Variants in PCDHGA11 observed in about 807,000 individuals in gnomAD.
The protein encoded by PCDHGA11 is protocadherin gamma subfamily A, 11, also known as protocadherin gamma-A11.
Under a neutral mutation model 60.4 loss-of-function variants are expected in PCDHGA11, and 39 were observed. The observed-to-expected ratio is 0.65, with a 90% confidence interval of 0.50 to 0.84. The LOEUF is 0.84. Ranked by LOEUF, PCDHGA11 falls within the 40% of genes least tolerant of loss-of-function variation. The pLI is 0.00. For synonymous variants in PCDHGA11, 533 were observed against 510.3 expected, an observed-to-expected ratio of 1.04 and a Z score of -0.60; for missense variants, 1,165 against 1,197.7, an observed-to-expected ratio of 0.97 and a Z score of 0.40.
chr5:141,462,599 T>TGG (rs2099043404), intron 1 of PCDHGA11, among the ~76,000 whole-genome samples: 1 of 152,208 alleles, frequency 6.6e-6, no homozygotes, highest in African/African-American at 2.4e-5. Context: ...CCATTTCATA[T>TGG]ATTGTATTTT....
chr5:141,473,665 T>C (rs1054239218), intron 1 of PCDHGA11, among the ~76,000 whole-genome samples: 1 of 152,142 alleles, frequency 6.6e-6, no homozygotes, highest in Non-Finnish European at 1.5e-5. Context: ...GTGAAGGCCC[T>C]GAGACAGGGA....
At chr5:141,447,082 T>C (rs1259827606) in intron 1 of PCDHGA11, among the ~76,000 whole-genome samples, 3 of 152,156 alleles carry the variant, frequency 2.0e-5, no homozygotes, top group Non-Finnish European at 2.9e-5. Context: ...ATTTTTGTTG[T>C]TTAATTTTCT....
chr5:141,462,623 T>C (rs992165332), intron 1 of PCDHGA11, among the ~76,000 whole-genome samples: 3 of 150,992 alleles, frequency 2.0e-5, no homozygotes, highest in Non-Finnish European at 4.4e-5. Context: ...CTTTTAGAAG[T>C]TCCATTTGAC....
At chr5:141,482,862 A>G (rs1169526338) in intron 1 of PCDHGA11, among the ~76,000 whole-genome samples, 1 of 152,180 alleles carries the variant, frequency 6.6e-6, no homozygotes, top group Non-Finnish European at 1.5e-5. Context: ...ACTTGAGGTC[A>G]GGAGTTTGAA....
chr5:141,469,395 T>G lies in PCDHGA11; in HGVS notation c.2434-25412T>G, dbSNP rs1332746609. ...ATCGAGACCATCCTGGCCAACATGG[T>G]GAAACCCCGTTTCTACTAAAAATAT... On this transcript the variant is annotated intron_variant, in intron 1 of 3. Transcript: ENST00000398587. Among the ~76,000 whole-genome samples, 6 of 152,194 alleles carry G rather than the reference T, an allele frequency of 3.9e-5. No homozygotes were observed. The East Asian group carries it at 1.2e-3, about 29-fold the overall frequency.
rs147057088 is a variant in PCDHGA11 at position 141,432,065 on chromosome 5, A to C, written c.2433+8405A>C. 6.2e-7 allele frequency: 1 copy of C among 1,613,930 alleles called. No individual in the cohort carries two copies. Among genetic ancestry groups the C allele is most frequent in the Non-Finnish European group, 8.5e-7 (1 of 1,180,014 alleles). On this transcript the variant is annotated intron_variant, in intron 1 of 3. Coordinates refer to ENST00000398587, the MANE Select transcript of PCDHGA11 (RefSeq NM_018914.3). This position sits in a 1 kb window ranked among gnomAD's most constrained non-coding sequence, Gnocchi z 6.0. ...GGGAACCCCGCCCCTATCCACGGAA[A>C]CTCATATCTCGCTGAACGTGGCAGA...
In PCDHGA11 at chr5:141,433,051, G is replaced by A. The variant is rs754102028; in HGVS notation, c.2433+9391G>A. The A allele has an allele frequency of 1.8e-5, 29 of 1,614,066 alleles. No homozygotes were observed. In the East Asian group the frequency reaches 2.5e-4, roughly 14 times the overall value. On this transcript the variant is annotated intron_variant, in intron 1 of 3. Transcript: ENST00000398587. ...AGGTTTCCCTCACCACGGACTCGCG[G>A]AAGAGTCACCTGATCTTCCCCCAGC...
chr5:141,421,433 C>A lies in PCDHGA11; in HGVS notation c.206C>A (p.Ser69Tyr), dbSNP rs772564300. 5 of 1,614,074 alleles carry A rather than the reference C, an allele frequency of 3.1e-6. No homozygotes were observed. In the African/African-American group the frequency reaches 4.0e-5, roughly 13 times the overall value. Residue 69 changes from serine to tyrosine, a missense_variant, in exon 1 of 4, where the codon TCC (serine) becomes TAC (tyrosine). By Grantham distance (144) the Ser-to-Tyr change is moderately radical (BLOSUM62 -2). Coordinates refer to ENST00000398587, the MANE Select transcript of PCDHGA11 (RefSeq NM_018914.3). ...GCGAAGCGCGGAGTCCGCATCGTCTCCAGAGGGAAGACACAGCTTTTCGCT... is the reference window on the plus strand; with the variant it reads ...GCGAAGCGCGGAGTCCGCATCGTCTACAGAGGGAAGACACAGCTTTTCGCT... Reference protein sequence around the residue: ...ELAKRGVRIVSRGKTQLFAVN... With the variant: ...ELAKRGVRIVYRGKTQLFAVN...
rs943867570 is a variant in PCDHGA11 at position 141,493,651 on chromosome 5, T to C, written c.2434-1156T>C. On this transcript the variant is annotated intron_variant, in intron 1 of 3. Coordinates refer to ENST00000398587, the MANE Select transcript of PCDHGA11 (RefSeq NM_018914.3). The surrounding 1 kb of genome is among the most constrained non-coding windows in gnomAD (Gnocchi z 4.3). ...AGTGGCTGAGGGCTGGCCATCCCTGTGCCCTTCTCCATGGCAGCCCCAGAA... is the reference window on the plus strand; with the variant it reads ...AGTGGCTGAGGGCTGGCCATCCCTGCGCCCTTCTCCATGGCAGCCCCAGAA... Among the ~76,000 whole-genome samples, 1 of 152,204 alleles carries C rather than the reference T, an allele frequency of 6.6e-6. No individual in the cohort carries two copies. The highest frequency in any genetic ancestry group is 1.5e-5 in the Non-Finnish European group (1 of 68,030).
intron 1 of PCDHGA11, among the ~76,000 whole-genome samples, chr5:141,469,189 T>C (rs1393685141): frequency 2.6e-5 from 4 of 151,710 alleles, no homozygotes; most frequent in African/African-American, 9.7e-5. Flanking sequence ...GGCAAGAGGA[T>C]TGCTTGAGCC....
At chr5:141,445,420 T>C (rs968387442) in intron 1 of PCDHGA11, among the ~76,000 whole-genome samples, 3 of 152,204 alleles carry the variant, frequency 2.0e-5, no homozygotes, top group Admixed American at 6.5e-5. Context: ...GTCTGCTATA[T>C]GCAAGGCACT....
Position 141,477,983 on chromosome 5 carries a change from C to T in PCDHGA11, c.2434-16824C>T. 1 of 1,614,126 alleles carries T rather than the reference C, an allele frequency of 6.2e-7. No individual in the cohort carries two copies. Among genetic ancestry groups the T allele is most frequent in the Non-Finnish European group, 8.5e-7 (1 of 1,180,024 alleles). ...TAACCAGAGCCTTTTTGCCATAGGGCTGCACACTGGTCAAATCAGTACTGC... is the reference window on the plus strand; with the variant it reads ...TAACCAGAGCCTTTTTGCCATAGGGTTGCACACTGGTCAAATCAGTACTGC... On this transcript the variant is annotated intron_variant, in intron 1 of 3. Coordinates refer to ENST00000398587, the MANE Select transcript of PCDHGA11 (RefSeq NM_018914.3). The surrounding 1 kb of genome is among the most constrained non-coding windows in gnomAD (Gnocchi z 4.9).
Position 141,467,771 on chromosome 5 carries a change from A to G in PCDHGA11, c.2434-27036A>G, listed in dbSNP as rs542500016. Among the ~76,000 whole-genome samples, 11 of 151,422 alleles carry G rather than the reference A, an allele frequency of 7.3e-5. No individual in the cohort carries two copies. The South Asian group carries it at 2.3e-3, about 32-fold the overall frequency. On this transcript the variant is annotated intron_variant, in intron 1 of 3. Transcript: ENST00000398587. Reference sequence around the variant, plus strand: ...CCGCCTCACATGCTCAAGTGCCCGCACCTCAGCCTCTCAAGTAGCTGGGAC... The same window carrying G: ...CCGCCTCACATGCTCAAGTGCCCGCGCCTCAGCCTCTCAAGTAGCTGGGAC...
chr5:141,450,071 A>G (rs1039802551), intron 1 of PCDHGA11, among the ~76,000 whole-genome samples: 3 of 139,286 alleles, frequency 2.2e-5, no homozygotes, highest in Non-Finnish European at 3.0e-5. Flanking sequence ...CAGTGGTATG[A>G]TCTTGGCTCA....
chr5:141,451,358 T>C (rs537863729), intron 1 of PCDHGA11, among the ~76,000 whole-genome samples: 1 of 152,326 alleles, frequency 6.6e-6, no homozygotes, highest in African/African-American at 2.4e-5. Flanking sequence ...CAACAGAGGA[T>C]GGATCCGCTT....
Position 141,477,468 on chromosome 5 carries a change from A to G in PCDHGA11, c.2434-17339A>G. ...GTGCGTGTTCAAGTGTCCGACATCA[A>G]TGACAACCCTCCACAATCTTCTCAA... is the stretch of plus-strand genomic sequence containing the variant. On this transcript the variant is annotated intron_variant, in intron 1 of 3. Transcript: ENST00000398587. This position sits in a 1 kb window ranked among gnomAD's most constrained non-coding sequence, Gnocchi z 4.9. 6.2e-7 allele frequency: 1 copy of G among 1,614,158 alleles called. No homozygotes were observed. Among genetic ancestry groups the G allele is most frequent in the Non-Finnish European group, 8.5e-7 (1 of 1,180,022 alleles).
At position 141,487,915 on chromosome 5, in the gene PCDHGA11, G is replaced by T; in HGVS notation, c.2434-6892G>T. The T allele has an allele frequency of 1.5e-6, 1 of 655,128 alleles. No homozygotes were observed. Among genetic ancestry groups the T allele is most frequent in the Middle Eastern group, 3.5e-4 (1 of 2,862 alleles). The allele number at this position is 655,128 out of a possible 1,614,324, so 40.6% of individuals were successfully genotyped here. ...GATGATGGAATGTGGGAGCACAGGA[G>T]GCTACAGTGCACAGGGTACAGTGCA... On this transcript the variant is annotated intron_variant, in intron 1 of 3. Coordinates refer to ENST00000398587, the MANE Select transcript of PCDHGA11 (RefSeq NM_018914.3). This position sits in a 1 kb window ranked among gnomAD's most constrained non-coding sequence, Gnocchi z 5.0.
In PCDHGA11 at chr5:141,432,011, TACA is replaced by T. The variant is rs1296391274; in HGVS notation, c.2433+8355_2433+8357del. 2 of 1,614,202 alleles carry T rather than the reference TACA, an allele frequency of 1.2e-6. No homozygotes were observed. Among genetic ancestry groups the T allele is most frequent in the South Asian group, 2.2e-5 (2 of 91,084 alleles). On this transcript the variant is annotated intron_variant, in intron 1 of 3. Transcript: ENST00000398587. This position sits in a 1 kb window ranked among gnomAD's most constrained non-coding sequence, Gnocchi z 6.0. The stretch of plus-strand genomic sequence containing the variant: ...CTTGGATAGGGAACAGGTTCCTAGC[TACA>T]ACATCACAGTGACCGCCACTGACCG...
chr5:141,487,905 G>C lies in PCDHGA11; in HGVS notation c.2434-6902G>C. The C allele has an allele frequency of 1.5e-6, 1 of 686,388 alleles. No individual in the cohort carries two copies. 42.5% of individuals were successfully genotyped at this position (686,388 alleles called of 1,614,324 possible). On this transcript the variant is annotated intron_variant, in intron 1 of 3. Transcript: ENST00000398587. This position sits in a 1 kb window ranked among gnomAD's most constrained non-coding sequence, Gnocchi z 5.0. ...GTGGAAGCATGATGATGGAATGTGG[G>C]AGCACAGGAGGCTACAGTGCACAGG...
Sources: gnomAD v4.1 joint callset for allele counts (sites outside exome capture counted in the v4.1 genomes callset) on GRCh38, gnomAD v4.1.1 for gene constraint, Gnocchi (gnomAD v3.1) non-coding constraint, MANE v1.5 for transcripts, NCBI Gene and HGNC (gene_info 2026-07-23, HGNC 2026-07-21) for gene names.